Variants in GSAP observed in about 807,000 individuals in gnomAD.
GSAP encodes gamma-secretase-activating protein.
A neutral mutation model predicts 131.7 loss-of-function variants in GSAP; 118 were observed. That is an observed-to-expected ratio of 0.90 (90% CI 0.77 to 1.04). GSAP has a LOEUF of 1.04. Ranked by LOEUF, GSAP falls within the 50% of genes least tolerant of loss-of-function variation. GSAP has a pLI of 0.00. For missense variants in GSAP, 1,019 were observed against 1,013.2 expected, an observed-to-expected ratio of 1.01 and a Z score of -0.08; for synonymous variants, 381 against 363.4, an observed-to-expected ratio of 1.05 and a Z score of -0.55.
rs1349045365 is a variant in GSAP at position 77,376,845 on chromosome 7, T to C, written c.741+3A>G. On this transcript the variant is annotated splice_donor_region_variant and intron_variant, in intron 10 of 30. Transcript: ENST00000257626. The stretch of plus-strand genomic sequence containing the variant: ...CTGTAGTGTGATCATTTTCTGGACT[T>C]ACCATTAAGTTATAGCTCTCATCAG... The C allele has an allele frequency of 7.3e-7, 1 of 1,378,436 alleles. No homozygotes were observed. The allele number at this position is 1,378,436 out of a possible 1,614,324, so 85.4% of individuals were successfully genotyped here.
In GSAP at chr7:77,388,487, G is replaced by T. The variant is rs1319708801; in HGVS notation, c.368-1039C>A. Reference sequence around the variant, plus strand: ...CAAATGCCATAAAATACAGCAATCAGGAGGAAGTCCATGGACACAGGCTTC... The same window carrying T: ...CAAATGCCATAAAATACAGCAATCATGAGGAAGTCCATGGACACAGGCTTC... On this transcript the variant is annotated intron_variant, in intron 5 of 30. Coordinates refer to ENST00000257626, the MANE Select transcript of GSAP (RefSeq NM_017439.4). Among the ~76,000 whole-genome samples the T allele has an allele frequency of 2.0e-5, 3 of 152,132 alleles. No homozygotes were observed. In the East Asian group the frequency reaches 5.8e-4, roughly 29 times the overall value.
chr7:77,325,688 A>AG (rs1207732048), intron 23 of GSAP, among the ~76,000 whole-genome samples: 2 of 152,184 alleles, frequency 1.3e-5, no homozygotes, highest in African/African-American at 4.8e-5. Flanking sequence ...CTCCTGCCTC[A>AG]GCCTCCTGAG....
intron 1 of GSAP, 39 bp downstream of exon 1, chr7:77,416,174 T>G: frequency 9.0e-7 from 1 of 1,113,446 alleles, no homozygotes; most frequent in Non-Finnish European, 1.2e-6. Context: ...GGACTCCCAC[T>G]CCCCGCCCCC....
At chr7:77,318,302 C>A (rs558944490) in intron 26 of GSAP, among the ~76,000 whole-genome samples, 45 of 152,238 alleles carry the variant, frequency 3.0e-4, no homozygotes, top group African/African-American at 1.1e-3. Flanking sequence ...TGGTTGGGCA[C>A]TGACAATTTA....
intron 19 of GSAP, among the ~76,000 whole-genome samples, chr7:77,340,613 G>T (rs1452593127): frequency 1.3e-5 from 2 of 152,188 alleles, no homozygotes; most frequent in African/African-American, 4.8e-5. Context: ...TAGAGACAAA[G>T]AAGACACATT....
At chr7:77,365,947 T>A (rs958315095) in intron 12 of GSAP, among the ~76,000 whole-genome samples, 2 of 148,504 alleles carry the variant, frequency 1.3e-5, no homozygotes, top group African/African-American at 5.0e-5. Flanking sequence ...CCATTCTGAC[T>A]GGTATGAGAT....
chr7:77,383,829 C>A (rs565981214), intron 6 of GSAP, among the ~76,000 whole-genome samples: 1 of 152,274 alleles, frequency 6.6e-6, no homozygotes, highest in East Asian at 1.9e-4. Context: ...TCCCAATCTC[C>A]GAGTCATTAG....
At position 77,328,627 on chromosome 7, in the gene GSAP, T is replaced by A; in HGVS notation, c.1744A>T (p.Asn582Tyr). 1.3e-6 allele frequency: 2 copies of A among 1,599,590 alleles called. No homozygotes were observed. The highest frequency in any genetic ancestry group is 1.7e-6 in the Non-Finnish European group (2 of 1,168,212). The change falls in exon 22 of 31, where the codon AAC becomes TAC. Residue 582 changes from asparagine to tyrosine, a missense_variant. Coordinates refer to ENST00000257626, the MANE Select transcript of GSAP (RefSeq NM_017439.4). ...ILDNAVKVIS[N>Y]LEARNLGPRL... ...TTACCCAAATTTCTTGCTTCTAGGTTAGAAATCACCCTACGAAGAAATTAG... is the reference window on the plus strand; with the variant it reads ...TTACCCAAATTTCTTGCTTCTAGGTAAGAAATCACCCTACGAAGAAATTAG...
Position 77,321,629 on chromosome 7 carries a change from A to T in GSAP, c.1924-226T>A, listed in dbSNP as rs185644239. On this transcript the variant is annotated intron_variant, in intron 24 of 30. Transcript: ENST00000257626. ...CAAAGCATCCTCTGTTTGTGTGGGC[A>T]GTGCCCCAGCTCAGCCTCCCCAGCC... Among the ~76,000 whole-genome samples, 106 of 152,326 alleles carry T rather than the reference A, an allele frequency of 7.0e-4. 1 individual carries two copies. Among genetic ancestry groups the T allele is most frequent in the African/African-American group, 2.4e-3 (100 of 41,572 alleles).
intron 26 of GSAP, among the ~76,000 whole-genome samples, chr7:77,319,900 G>C (rs541385950): frequency 2.0e-5 from 3 of 152,282 alleles, no homozygotes; most frequent in Admixed American, 2.0e-4. Flanking sequence ...AGTAATTGCT[G>C]TTCAATGGGT....
intron 20 of GSAP, 68 bp downstream of exon 20, chr7:77,330,171 A>C: frequency 6.6e-7 from 1 of 1,506,378 alleles, no homozygotes; most frequent in Non-Finnish European, 8.9e-7. Context: ...CTTATGATTT[A>C]AAGGCATCAC....
chr7:77,404,407 G>A (rs1293051669), intron 3 of GSAP, 152 bp downstream of exon 3: 1 of 652,072 alleles, frequency 1.5e-6, no homozygotes, highest in African/African-American at 1.9e-5. Context: ...ACCCTGGTCT[G>A]TGTGTATGCC....
chr7:77,341,565 C>A (rs1661915342), intron 19 of GSAP, among the ~76,000 whole-genome samples: 2 of 152,206 alleles, frequency 1.3e-5, no homozygotes, highest in African/African-American at 4.8e-5. Context: ...TCTCCCAAAT[C>A]AGTTAGTGTT....
intron 6 of GSAP, among the ~76,000 whole-genome samples, chr7:77,384,989 T>C (rs1798352638): frequency 6.6e-6 from 1 of 151,994 alleles, no homozygotes; most frequent in African/African-American, 2.4e-5. Context: ...GGGTTGGGAC[T>C]TTTCCTTTGG....
intron 12 of GSAP, among the ~76,000 whole-genome samples, chr7:77,371,716 C>T (rs962907276): frequency 4.6e-5 from 7 of 152,188 alleles, no homozygotes; most frequent in Admixed American, 3.3e-4. Flanking sequence ...GGATTACAGG[C>T]GTGAGCCACC....
chr7:77,374,772 C>T (rs1190614317), intron 11 of GSAP, among the ~76,000 whole-genome samples: 1 of 152,102 alleles, frequency 6.6e-6, no homozygotes, highest in Non-Finnish European at 1.5e-5. Flanking sequence ...CATCGAATCC[C>T]TCTATTTAAT....
At position 77,320,750 on chromosome 7, in the gene GSAP, G is replaced by C; in HGVS notation, c.2064C>G (p.Asn688Lys). The C allele has an allele frequency of 6.2e-7, 1 of 1,608,464 alleles. No individual in the cohort carries two copies. Among genetic ancestry groups the C allele is most frequent in the South Asian group, 1.1e-5 (1 of 90,968 alleles). ...HIMTRILEAT[N>K]SLFLPLPPGF... ...CAGGAGGCAGAGGTAAAAACAAACT[G>C]TTTGTAGCTTCCAGAATCCTGGTCA... Residue 688 changes from asparagine (N) to lysine (K), a missense_variant, in exon 26 of 31, where the codon AAC becomes AAG. Physicochemically the swap from Asn to Lys is moderately conservative, Grantham distance 94 (BLOSUM62 0). Coordinates refer to ENST00000257626, the MANE Select transcript of GSAP (RefSeq NM_017439.4).
At chr7:77,376,825 G>A in intron 10 of GSAP, 23 bp downstream of exon 10, 4 of 1,122,948 alleles carry the variant, frequency 3.6e-6, no homozygotes, top group Admixed American at 2.2e-5. Context: ...CTTTCCTGTA[G>A]TGTGATCATT....
chr7:77,414,555 T>C (rs571776721), intron 1 of GSAP, among the ~76,000 whole-genome samples: 59 of 152,292 alleles, frequency 3.9e-4, no homozygotes, highest in African/African-American at 1.4e-3. Flanking sequence ...GAGCTATCTG[T>C]TGTTTAGTGG....
Sources: gnomAD v4.1 joint callset for allele counts (sites outside exome capture counted in the v4.1 genomes callset) on GRCh38, gnomAD v4.1.1 for gene constraint, MANE v1.5 for transcripts, NCBI Gene and HGNC (gene_info 2026-07-23, HGNC 2026-07-21) for gene names.